The following AUTS2 variants were observed in gnomAD, a reference collection of about 807,000 sequenced individuals.
AUTS2 encodes the protein activator of transcription and developmental regulator AUTS2.
A neutral mutation model predicts 112.4 loss-of-function variants in AUTS2; 17 were observed. The ratio of observed to expected loss-of-function variants is 0.15; its 90% confidence interval spans 0.10 to 0.23. AUTS2 has a LOEUF of 0.23. AUTS2 is among the 10% of genes least tolerant of loss of function. The probability of loss-of-function intolerance (pLI) is 1.00; values close to 1 mark genes in which losing one functional copy is unlikely to be tolerated. For synonymous variants in AUTS2, 751 were observed against 702.7 expected (o/e 1.07, Z -1.09); for missense variants, 1,510 against 1,701.6 (o/e 0.89, Z 1.98).
intron 4 of AUTS2, among the ~76,000 whole-genome samples, chr7:70,409,952 A>G (rs901674981): frequency 6.6e-6 from 1 of 152,210 alleles, no homozygotes; most frequent in African/African-American, 2.4e-5. Flanking sequence ...ACGCACTTGA[A>G]CAGTGTTCAC....
chr7:70,671,683 C>T (rs1285531806), intron 5 of AUTS2, among the ~76,000 whole-genome samples: 4 of 152,104 alleles, frequency 2.6e-5, no homozygotes, highest in Non-Finnish European at 5.9e-5. Flanking sequence ...GAAGAGGTTG[C>T]TGTGTTCAAA....
chr7:69,896,560 A>T (rs781204383), intron 1 of AUTS2, among the ~76,000 whole-genome samples: 1 of 151,462 alleles, frequency 6.6e-6, no homozygotes, highest in East Asian at 1.9e-4. Flanking sequence ...TCCTGCTTCT[A>T]TCACCCTTTC....
intron 1 of AUTS2, among the ~76,000 whole-genome samples, chr7:69,706,345 G>A (rs557613854): frequency 6.6e-6 from 1 of 152,246 alleles, no homozygotes; most frequent in East Asian, 1.9e-4. Context: ...GAGGGCCCAG[G>A]GAATATCTGT....
At chr7:69,641,095 C>T (rs961916772) in intron 1 of AUTS2, among the ~76,000 whole-genome samples, 4 of 152,126 alleles carry the variant, frequency 2.6e-5, no homozygotes, top group African/African-American at 9.7e-5. Flanking sequence ...AGGGGAATAA[C>T]GATGAAAGGG....
chr7:70,034,352 G>T (rs1294146577), intron 2 of AUTS2, among the ~76,000 whole-genome samples: 2 of 152,156 alleles, frequency 1.3e-5, no homozygotes, highest in East Asian at 3.9e-4. Context: ...CTTACCCTGA[G>T]AGGATGGCAC....
intron 5 of AUTS2, among the ~76,000 whole-genome samples, chr7:70,672,576 G>A (rs1460982181): frequency 4.6e-5 from 7 of 152,030 alleles, no homozygotes; most frequent in Non-Finnish European, 8.8e-5. Flanking sequence ...CTGCTTCCTC[G>A]AAAGGGTAGG....
At chr7:70,131,488 A>T (rs1217302018) in intron 3 of AUTS2, among the ~76,000 whole-genome samples, 1 of 152,160 alleles carries the variant, frequency 6.6e-6, no homozygotes, top group Non-Finnish European at 1.5e-5. Flanking sequence ...CCTTTTGGTG[A>T]CTGTCTCTTC....
At chr7:70,445,911 T>C (rs1394825772) in intron 5 of AUTS2, among the ~76,000 whole-genome samples, 1 of 152,216 alleles carries the variant, frequency 6.6e-6, no homozygotes, top group African/African-American at 2.4e-5. Context: ...CTTGCCTCTG[T>C]CACTCAGAAA....
intron 2 of AUTS2, among the ~76,000 whole-genome samples, chr7:69,976,854 A>C (rs1798080430): frequency 6.6e-6 from 1 of 152,072 alleles, no homozygotes; most frequent in Admixed American, 6.5e-5. Context: ...TTTTTCGGGC[A>C]TATGGTTTGG....
intron 5 of AUTS2, among the ~76,000 whole-genome samples, chr7:70,588,861 C>T (rs1178434488): frequency 6.6e-6 from 1 of 152,152 alleles, no homozygotes; most frequent in South Asian, 2.1e-4. Context: ...CCTCTGCTTT[C>T]GCTGGCTTTG....
intron 5 of AUTS2, among the ~76,000 whole-genome samples, chr7:70,544,365 G>C (rs971059288): frequency 3.3e-5 from 5 of 152,206 alleles, no homozygotes; most frequent in African/African-American, 4.8e-5. Context: ...CAAAATACAA[G>C]AGTGAAAACT....
At chr7:70,064,549 A>G (rs999503805) in intron 2 of AUTS2, among the ~76,000 whole-genome samples, 1 of 152,174 alleles carries the variant, frequency 6.6e-6, no homozygotes, top group Non-Finnish European at 1.5e-5. Flanking sequence ...CCTGAGGGCC[A>G]AGGTCTAGGT....
At chr7:69,879,976 T>C (rs1793972408) in intron 1 of AUTS2, among the ~76,000 whole-genome samples, 1 of 152,180 alleles carries the variant, frequency 6.6e-6, no homozygotes, top group South Asian at 2.1e-4. Flanking sequence ...TTGCCCAGTG[T>C]ATTAGTCCAT....
At chr7:69,718,898 C>T (rs1347109232) in intron 1 of AUTS2, among the ~76,000 whole-genome samples, 1 of 152,180 alleles carries the variant, frequency 6.6e-6, no homozygotes, top group African/African-American at 2.4e-5. Flanking sequence ...TGGTTTATCA[C>T]TGCTTAAAGC....
rs59907795 is a variant in AUTS2 at position 70,163,343 on chromosome 7, GT to G, written c.660+28773del. 1.3e-3 allele frequency among the ~76,000 whole-genome samples: 82 copies of G among 64,424 alleles called. 2 individuals are homozygous for G. The highest frequency in any genetic ancestry group is 6.6e-3 in the Middle Eastern group (1 of 152). 42.3% of individuals were successfully genotyped at this position (64,424 alleles called of 152,430 possible). On this transcript the variant is annotated intron_variant, in intron 4 of 18. Transcript: ENST00000342771. ...CAAAGATGAGTGTTAGGTTGTGGTG[GT>G]GGGGGGGGGGGGGGCAGAGGGGGAG...
intron 1 of AUTS2, among the ~76,000 whole-genome samples, chr7:69,724,219 G>A (rs780907541): frequency 6.6e-6 from 1 of 152,094 alleles, no homozygotes; most frequent in African/African-American, 2.4e-5. Context: ...CTGTTTCTTT[G>A]TCTGTAAAAT....
chr7:70,554,618 C>T (rs1801170381), intron 5 of AUTS2, among the ~76,000 whole-genome samples: 1 of 152,138 alleles, frequency 6.6e-6, no homozygotes, highest in South Asian at 2.1e-4. Context: ...AGTCTGGCCT[C>T]TCGGGAGATT....
intron 2 of AUTS2, among the ~76,000 whole-genome samples, chr7:70,010,063 A>G (rs1026380206): frequency 1.3e-5 from 2 of 152,178 alleles, no homozygotes; most frequent in Non-Finnish European, 2.9e-5. Flanking sequence ...TCCCTGTCCC[A>G]AGTTATATGA....
chr7:70,232,596 C>T (rs966401672), intron 4 of AUTS2, among the ~76,000 whole-genome samples: 3 of 152,062 alleles, frequency 2.0e-5, no homozygotes, highest in Admixed American at 6.5e-5. Context: ...TAGAGGTGGT[C>T]TTGAACTCCT....
Sources: allele counts gnomAD v4.1 joint callset (sites outside exome capture counted in the v4.1 genomes callset), GRCh38; gene constraint gnomAD v4.1.1; transcripts MANE v1.5; gene names NCBI Gene and HGNC (gene_info 2026-07-23, HGNC 2026-07-21).